Variants in KIF16B observed in about 807,000 individuals in gnomAD.
KIF16B encodes kinesin-like protein KIF16B.
A neutral mutation model predicts 156.3 loss-of-function variants in KIF16B; 98 were observed. That is an observed-to-expected ratio of 0.63 (90% confidence interval 0.53 to 0.74). The LOEUF is 0.74. Among genes scored for constraint, KIF16B ranks in the 30% least tolerant of loss-of-function variants. The pLI, the probability that KIF16B is intolerant of heterozygous loss-of-function variation, is 0.00. For missense variants in KIF16B, 1,421 were observed against 1,606.5 expected, an observed-to-expected ratio of 0.88 and a Z score of 1.97; for synonymous variants, 564 against 583.7, an observed-to-expected ratio of 0.97 and a Z score of 0.49.
intron 22 of KIF16B, among the ~76,000 whole-genome samples, chr20:16,359,721 A>C (rs975784077): frequency 6.6e-6 from 1 of 151,740 alleles, no homozygotes; most frequent in Admixed American, 6.6e-5. Flanking sequence ...AGTAAGGACC[A>C]GGTATTTGAG....
At chr20:16,542,704 C>T (rs1051207827) in intron 1 of KIF16B, among the ~76,000 whole-genome samples, 7 of 152,076 alleles carry the variant, frequency 4.6e-5, no homozygotes, top group South Asian at 2.1e-4. Context: ...AAGAGAGAAA[C>T]GGAAACAAAG....
chr20:16,319,951 G>A (rs760225680), intron 24 of KIF16B, among the ~76,000 whole-genome samples: 5 of 152,096 alleles, frequency 3.3e-5, no homozygotes, highest in African/African-American at 4.8e-5. Context: ...GAGCCTAACC[G>A]ACCAGGGCTA....
intron 10 of KIF16B, among the ~76,000 whole-genome samples, chr20:16,500,082 G>A (rs2068573945): frequency 6.6e-6 from 1 of 152,008 alleles, no homozygotes; most frequent in Non-Finnish European, 1.5e-5. Flanking sequence ...TTTGTTCTTT[G>A]CCCAACAGGT....
At chr20:16,517,206 CAG>C in intron 3 of KIF16B, among the ~76,000 whole-genome samples, 2 of 152,374 alleles carry the variant, frequency 1.3e-5, no homozygotes, top group Middle Eastern at 6.8e-3. Context: ...CTGACTTCTA[CAG>C]ACTTTGTTTC....
chr20:16,472,216 T>C (rs909529094), intron 12 of KIF16B, among the ~76,000 whole-genome samples: 1 of 152,244 alleles, frequency 6.6e-6, no homozygotes, highest in African/African-American at 2.4e-5. Flanking sequence ...GATGAGTCAT[T>C]GTGAAGGATC....
At chr20:16,527,709 T>C (rs575201072) in intron 2 of KIF16B, among the ~76,000 whole-genome samples, 1 of 152,284 alleles carries the variant, frequency 6.6e-6, no homozygotes, top group Admixed American at 6.5e-5. Flanking sequence ...CTCGAGTAGC[T>C]AGGACCACAG....
At chr20:16,467,418 T>G (rs970497883) in intron 12 of KIF16B, among the ~76,000 whole-genome samples, 1 of 152,116 alleles carries the variant, frequency 6.6e-6, no homozygotes, top group Non-Finnish European at 1.5e-5. Context: ...AAACACAGTT[T>G]TGAAGAGACT....
intron 25 of KIF16B, among the ~76,000 whole-genome samples, chr20:16,279,902 A>G (rs1243668325): frequency 6.6e-6 from 1 of 152,246 alleles, no homozygotes; most frequent in East Asian, 1.9e-4. Context: ...CTACAGCAAT[A>G]CAGAGTAATT....
At chr20:16,496,967 T>C (rs773781540) in intron 11 of KIF16B, among the ~76,000 whole-genome samples, 25 of 152,202 alleles carry the variant, frequency 1.6e-4, no homozygotes, top group Admixed American at 4.6e-4. Flanking sequence ...ATGAACAAAA[T>C]TGACTCCAAA....
chr20:16,333,415 T>G (rs564786406), intron 24 of KIF16B, among the ~76,000 whole-genome samples: 4 of 152,366 alleles, frequency 2.6e-5, no homozygotes, highest in African/African-American at 9.6e-5. Context: ...TCACTGTTTA[T>G]TCTCTCTACT....
intron 25 of KIF16B, among the ~76,000 whole-genome samples, chr20:16,292,418 C>T (rs1407939903): frequency 1.3e-5 from 2 of 152,006 alleles, no homozygotes; most frequent in East Asian, 3.9e-4. Flanking sequence ...AAAGTGTTGT[C>T]AGGGGAAAAA....
chr20:16,490,358 T>C (rs1180345512), intron 12 of KIF16B, among the ~76,000 whole-genome samples: 1 of 151,964 alleles, frequency 6.6e-6, no homozygotes, highest in Admixed American at 6.6e-5. Flanking sequence ...CTGGACAACA[T>C]GGTGAAACCC....
chr20:16,365,510 C>G (rs2064644454), intron 22 of KIF16B, among the ~76,000 whole-genome samples: 1 of 152,200 alleles, frequency 6.6e-6, no homozygotes, highest in Non-Finnish European at 1.5e-5. Context: ...GTCAGAAGCA[C>G]ACATGGCTGC....
intron 17 of KIF16B, among the ~76,000 whole-genome samples, chr20:16,394,987 G>C (rs1213453730): frequency 6.6e-6 from 1 of 151,484 alleles, no homozygotes; most frequent in African/African-American, 2.4e-5. Flanking sequence ...CTAAGTTCCA[G>C]GTATGCTGCT....
At chr20:16,563,864 A>G (rs1260006099) in intron 1 of KIF16B, among the ~76,000 whole-genome samples, 2 of 152,216 alleles carry the variant, frequency 1.3e-5, no homozygotes, top group African/African-American at 4.8e-5. Context: ...AAAATACCAG[A>G]CATTTGCATC....
At chr20:16,478,108 G>A (rs2067870298) in intron 12 of KIF16B, among the ~76,000 whole-genome samples, 1 of 152,184 alleles carries the variant, frequency 6.6e-6, no homozygotes, top group South Asian at 2.1e-4. Context: ...GAGAGAGCTG[G>A]AGGAGTGCCC....
chr20:16,353,307 A>G (rs908026356), intron 23 of KIF16B, among the ~76,000 whole-genome samples: 6 of 152,180 alleles, frequency 3.9e-5, no homozygotes, highest in Non-Finnish European at 7.3e-5. Context: ...GACTGAGAGA[A>G]AAGGTCAGCA....
intron 10 of KIF16B, among the ~76,000 whole-genome samples, chr20:16,497,901 C>T (rs527729900): frequency 6.6e-6 from 1 of 152,228 alleles, no homozygotes; most frequent in South Asian, 2.1e-4. Flanking sequence ...CCTACATTTG[C>T]AATACAAATC....
At chr20:16,343,397 A>G (rs2064175670) in intron 23 of KIF16B, among the ~76,000 whole-genome samples, 1 of 152,326 alleles carries the variant, frequency 6.6e-6, no homozygotes, top group South Asian at 2.1e-4. Context: ...AAAGAGGAGA[A>G]TCAACAGTTT....
Sources: allele counts gnomAD v4.1 joint callset (sites outside exome capture counted in the v4.1 genomes callset), GRCh38; gene constraint gnomAD v4.1.1; transcripts MANE v1.5; gene names NCBI Gene and HGNC (gene_info 2026-07-23, HGNC 2026-07-21).